The following EVL variants were observed in gnomAD, a reference collection of about 807,000 sequenced individuals.
The protein encoded by EVL is Enah/Vasp-like, also known as ena/VASP-like protein.
EVL carries 21 observed loss-of-function variants against 59.6 expected under a neutral mutation model. The ratio of observed to expected loss-of-function variants is 0.35; its 90% CI spans 0.25 to 0.51. The LOEUF is 0.51. Among genes scored for constraint, EVL ranks in the 20% least tolerant of loss-of-function variants. The pLI is 0.97. For missense variants in EVL, 462 were observed against 546.6 expected (o/e 0.85, Z 1.54); for synonymous variants, 198 against 203.5 (o/e 0.97, Z 0.23).
chr14:100,009,417 C>A (rs1007754098), intron 1 of EVL, among the ~76,000 whole-genome samples: 3 of 152,214 alleles, frequency 2.0e-5, no homozygotes, highest in African/African-American at 4.8e-5. Context: ...TTCTGAAGCC[C>A]TCACTGGACT....
intron 1 of EVL, among the ~76,000 whole-genome samples, chr14:100,021,388 T>C (rs2061121886): frequency 6.6e-6 from 1 of 152,222 alleles, no homozygotes; most frequent in Admixed American, 6.5e-5. Flanking sequence ...TGTTACCTCT[T>C]GCTTCAAGCT....
intron 3 of EVL, chr14:100,107,418 A>G (rs1395010424): frequency 2.5e-6 from 1 of 397,936 alleles, no homozygotes; most frequent in African/African-American, 2.1e-5. Context: ...CTTGGGTGTC[A>G]TGAGACTGGG....
At chr14:100,019,004 TAAG>T (rs1466255892) in intron 1 of EVL, among the ~76,000 whole-genome samples, 5 of 152,160 alleles carry the variant, frequency 3.3e-5, no homozygotes, top group African/African-American at 7.2e-5. Context: ...AGATCACTAA[TAAG>T]GAGTGACATG....
intron 1 of EVL, among the ~76,000 whole-genome samples, chr14:99,981,683 A>T (rs1047739678): frequency 3.3e-5 from 5 of 152,356 alleles, no homozygotes; most frequent in African/African-American, 1.2e-4. Flanking sequence ...TTATGTTTAC[A>T]CTATACCATA....
rs1885910233 is a variant in EVL, at chr14:100,097,636, C to T, written c.336C>T (p.Asn112=). The change falls in exon 3 of 14, where the codon AAC becomes AAT. Residue 112 remains asparagine, a synonymous_variant. Transcript: ENST00000392920. ...CCAATGCAATGCTGTTTGCCCTGAA[C>T]ATCATGAATTCCCAAGAAGGAGGTA... ...TFSNAMLFAL[N]IMNSQEGGPS... is the part of the protein sequence containing the mutation. 1.2e-6 allele frequency: 2 copies of T among 1,612,168 alleles called. No individual in the cohort carries two copies. The highest frequency in any genetic ancestry group is 1.1e-5 in the South Asian group (1 of 90,796).
Position 100,098,050 on chromosome 14 carries a change from T to C in EVL, c.358+392T>C, listed in dbSNP as rs534731692. The stretch of plus-strand genomic sequence containing the variant: ...TGTTTAACAAAAGTTTATTAAATGC[T>C]TACTGAGGGCAAGAAACCGTGTAGG... On this transcript the variant is annotated intron_variant, in intron 3 of 13. Coordinates refer to ENST00000392920, the MANE Select transcript of EVL (RefSeq NM_016337.3). Among the ~76,000 whole-genome samples, 11 of 152,342 alleles carry C rather than the reference T, an allele frequency of 7.2e-5. No homozygotes were observed. In the South Asian group the frequency reaches 1.2e-3, roughly 17 times the overall value.
chr14:100,099,468 C>T (rs369176342), intron 3 of EVL, among the ~76,000 whole-genome samples: 72 of 152,200 alleles, frequency 4.7e-4, no homozygotes, highest in Admixed American at 4.4e-3. Flanking sequence ...TCCCATGGGT[C>T]GTGCGTAGAG....
intron 1 of EVL, among the ~76,000 whole-genome samples, chr14:100,014,359 C>A (rs1465778471): frequency 6.6e-6 from 1 of 152,104 alleles, no homozygotes; most frequent in Non-Finnish European, 1.5e-5. Context: ...TTTTTAGCTC[C>A]CAGAAATGAG....
chr14:100,091,912 C>G lies in EVL; in HGVS notation c.181-5569C>G, dbSNP rs139400587. 1.8e-3 allele frequency among the ~76,000 whole-genome samples: 269 copies of G among 152,276 alleles called. 4 individuals are homozygous for G. The highest frequency in any genetic ancestry group is 0.012 in the East Asian group (63 of 5,186). On this transcript the variant is annotated intron_variant, in intron 2 of 13. Transcript: ENST00000392920. Reference sequence around the variant, plus strand: ...GGACACTTGACGTCTACTTGAGAATCTGCAGAATTGCTTGCTTGTTGTATG... The same window carrying G: ...GGACACTTGACGTCTACTTGAGAATGTGCAGAATTGCTTGCTTGTTGTATG...
chr14:100,118,689 C>T (rs568156524), intron 3 of EVL, among the ~76,000 whole-genome samples: 49 of 152,292 alleles, frequency 3.2e-4, no homozygotes, highest in African/African-American at 1.1e-3. Context: ...AGCTCCTGTC[C>T]CCTGTGGCTG....
chr14:100,099,272 G>A (rs1424070482), intron 3 of EVL, among the ~76,000 whole-genome samples: 2 of 151,812 alleles, frequency 1.3e-5, no homozygotes, highest in Non-Finnish European at 2.9e-5. Flanking sequence ...TCTGGGCATT[G>A]TGGTGCATGC....
At chr14:100,106,868 C>T (rs1464217241) in intron 3 of EVL, 9 of 398,494 alleles carry the variant, frequency 2.3e-5, no homozygotes, top group Non-Finnish European at 2.2e-5. Context: ...TGTACTTGGC[C>T]CAAACCACTT....
At chr14:100,052,848 A>G (rs115358580) in intron 1 of EVL, 5,595 of 152,292 alleles carry the variant, frequency 0.037, 143 homozygotes, top group South Asian at 0.11. Flanking sequence ...AATACCATAG[A>G]CTAGGTGGTT....
chr14:100,031,361 G>A (rs1171450942), intron 1 of EVL, among the ~76,000 whole-genome samples: 5 of 152,150 alleles, frequency 3.3e-5, no homozygotes, highest in Non-Finnish European at 7.3e-5. Flanking sequence ...ATGATGCTGC[G>A]TTAGTTTATG....
At chr14:100,103,847 A>G (rs1886387791) in intron 3 of EVL, among the ~76,000 whole-genome samples, 1 of 152,192 alleles carries the variant, frequency 6.6e-6, no homozygotes, top group Admixed American at 6.5e-5. Context: ...GAGTGCATAG[A>G]TACAAGCTCC....
chr14:100,137,342 G>A, intron 9 of EVL: 1 of 574,074 alleles, frequency 1.7e-6, no homozygotes, highest in Non-Finnish European at 3.1e-6. Flanking sequence ...ATTCCAGAGA[G>A]ACCTGGCACA....
intron 1 of EVL, among the ~76,000 whole-genome samples, chr14:100,024,081 A>T (rs1218492439): frequency 6.6e-6 from 1 of 152,206 alleles, no homozygotes; most frequent in Non-Finnish European, 1.5e-5. Flanking sequence ...GTGTACCAAG[A>T]TCTGAAATCC....
chr14:100,086,353 A>G (rs1169545586), intron 2 of EVL, among the ~76,000 whole-genome samples: 1 of 152,210 alleles, frequency 6.6e-6, no homozygotes, highest in East Asian at 1.9e-4. Context: ...GACAGTCAAA[A>G]ATATCTCAAG....
In EVL at chr14:100,065,449, G is replaced by A. The variant is rs1046380312; in HGVS notation, c.-52G>A. On this transcript the variant is annotated 5_prime_UTR_variant, in exon 1 of 14. Coordinates refer to ENST00000392920, the MANE Select transcript of EVL (RefSeq NM_016337.3). ...GGTCCTCTGATCAACATAGGCTGGT[G>A]GGAGTACAGGACTCGCCTCCTCAGG... 1.4e-6 allele frequency: 2 copies of A among 1,408,930 alleles called. No individual in the cohort carries two copies. Among genetic ancestry groups the A allele is most frequent in the South Asian group, 3.4e-5 (2 of 59,304 alleles). 87.3% of individuals were successfully genotyped at this position (1,408,930 alleles called of 1,614,324 possible).
Sources: allele counts gnomAD v4.1 joint callset (sites outside exome capture counted in the v4.1 genomes callset), GRCh38; gene constraint gnomAD v4.1.1; transcripts MANE v1.5; gene names NCBI Gene and HGNC (gene_info 2026-07-23, HGNC 2026-07-21).